The following NTM variants were observed in gnomAD, a reference collection of about 807,000 sequenced individuals.
NTM encodes IgLON family member 2.
A neutral mutation model predicts 42.1 loss-of-function variants in NTM; 13 were observed. The observed-to-expected ratio is 0.31, with a 90% CI of 0.20 to 0.49. NTM has a LOEUF of 0.49. Among genes scored for constraint, NTM ranks in the 20% least tolerant of loss-of-function variants. NTM has a pLI of 0.99. For missense variants in NTM, 373 were observed against 452.8 expected, an observed-to-expected ratio of 0.82 and a Z score of 1.60; for synonymous variants, 187 against 179.2, an observed-to-expected ratio of 1.04 and a Z score of -0.35.
At position 132,175,713 on chromosome 11, in the gene NTM, G is replaced by A. The variant is rs562800513; in HGVS notation, c.400+29199G>A. ...CTTCATTCTCCTGCCTCAGCCTCCCGAGTAGCTGGGACTACAGGTGCCCGC... is the reference window on the plus strand; with the variant it reads ...CTTCATTCTCCTGCCTCAGCCTCCCAAGTAGCTGGGACTACAGGTGCCCGC... On this transcript the variant is annotated intron_variant, in intron 3 of 8. Coordinates refer to ENST00000683400, the MANE Select transcript of NTM (RefSeq NM_001352005.2). Among the ~76,000 whole-genome samples the A allele has an allele frequency of 5.3e-5, 8 of 151,284 alleles. No individual in the cohort carries two copies. In the East Asian group the frequency reaches 7.9e-4, roughly 15 times the overall value.
chr11:132,091,053 T>TA (rs2060318732), intron 2 of NTM, among the ~76,000 whole-genome samples: 1 of 152,206 alleles, frequency 6.6e-6, no homozygotes. Flanking sequence ...ATTATTGGCA[T>TA]TTTTCCTTTG....
intron 2 of NTM, among the ~76,000 whole-genome samples, chr11:131,926,334 G>A (rs917416624): frequency 1.3e-5 from 2 of 152,106 alleles, no homozygotes; most frequent in East Asian, 1.9e-4. Flanking sequence ...AACAAACAAC[G>A]CATCACATGG....
chr11:131,812,295 G>A (rs528937728), intron 1 of NTM, among the ~76,000 whole-genome samples: 1 of 151,734 alleles, frequency 6.6e-6, no homozygotes, highest in East Asian at 1.9e-4. Context: ...GTGGGCTAAT[G>A]TCTGTAATAT....
At chr11:132,252,653 A>T (rs1456400033) in intron 4 of NTM, among the ~76,000 whole-genome samples, 1 of 152,204 alleles carries the variant, frequency 6.6e-6, no homozygotes, top group East Asian at 1.9e-4. Flanking sequence ...CTTCTTGGTA[A>T]TTATAGATGG....
intron 2 of NTM, among the ~76,000 whole-genome samples, chr11:132,097,218 C>G (rs567528544): frequency 6.6e-5 from 10 of 152,178 alleles, no homozygotes; most frequent in Admixed American, 6.5e-4. Context: ...AGAGAGAGCA[C>G]GCAAGTGTTG....
At chr11:131,634,010 C>G (rs944993323) in intron 1 of NTM, among the ~76,000 whole-genome samples, 4 of 152,050 alleles carry the variant, frequency 2.6e-5, no homozygotes, top group African/African-American at 9.7e-5. Context: ...ATATCCAAAG[C>G]AGCCCAACTC....
intron 1 of NTM, among the ~76,000 whole-genome samples, chr11:131,753,222 A>G (rs1467825798): frequency 6.6e-6 from 1 of 152,184 alleles, no homozygotes; most frequent in Non-Finnish European, 1.5e-5. Context: ...AATGGCAATC[A>G]TTAAAAAGTC....
At chr11:131,814,003 T>C (rs1198792783) in intron 1 of NTM, among the ~76,000 whole-genome samples, 1 of 152,182 alleles carries the variant, frequency 6.6e-6, no homozygotes, top group African/African-American at 2.4e-5. Context: ...ATGTTAGCCA[T>C]GTATGATTAA....
At chr11:131,455,916 G>A (rs1397911630) in intron 1 of NTM, among the ~76,000 whole-genome samples, 1 of 152,228 alleles carries the variant, frequency 6.6e-6, no homozygotes, top group Non-Finnish European at 1.5e-5. Flanking sequence ...AGTGTGGATG[G>A]TCTTTGGTAT....
chr11:131,389,289 C>T (rs899962094), intron 1 of NTM, among the ~76,000 whole-genome samples: 1 of 152,210 alleles, frequency 6.6e-6, no homozygotes, highest in Non-Finnish European at 1.5e-5. Context: ...GACCTTGATG[C>T]TGTGGCTGGG....
intron 4 of NTM, among the ~76,000 whole-genome samples, chr11:132,252,710 T>C (rs912742237): frequency 6.6e-6 from 1 of 152,184 alleles, no homozygotes; most frequent in Non-Finnish European, 1.5e-5. Flanking sequence ...TTTGTCCTGA[T>C]ATATGGCTGG....
intron 2 of NTM, among the ~76,000 whole-genome samples, chr11:132,040,295 T>C (rs1276737542): frequency 1.3e-5 from 2 of 152,162 alleles, no homozygotes; most frequent in Non-Finnish European, 2.9e-5. Flanking sequence ...TGTATCTCAG[T>C]TTACTAGTCT....
intron 1 of NTM, among the ~76,000 whole-genome samples, chr11:131,749,557 T>G (rs191446102): frequency 6.6e-6 from 1 of 152,356 alleles, no homozygotes; most frequent in East Asian, 1.9e-4. Context: ...ACACCTCTGT[T>G]GTTGACGTAT....
intron 2 of NTM, among the ~76,000 whole-genome samples, chr11:132,022,973 C>T (rs1173800331): frequency 6.6e-6 from 1 of 152,156 alleles, no homozygotes; most frequent in East Asian, 1.9e-4. Context: ...GATAGGGCCA[C>T]GTTGGCTAAT....
intron 1 of NTM, among the ~76,000 whole-genome samples, chr11:131,544,846 G>A (rs780855806): frequency 9.8e-5 from 15 of 152,304 alleles, no homozygotes; most frequent in Admixed American, 2.6e-4. Context: ...TCTGGTCATC[G>A]AATCAGATAA....
At chr11:131,480,464 C>A (rs1953454578) in intron 1 of NTM, among the ~76,000 whole-genome samples, 1 of 152,178 alleles carries the variant, frequency 6.6e-6, no homozygotes, top group East Asian at 1.9e-4. Context: ...TCCCTCTGAG[C>A]AAACTGAGTT....
chr11:131,660,133 C>T (rs965553963), intron 1 of NTM: 1 of 183,306 alleles, frequency 5.5e-6, no homozygotes, highest in Non-Finnish European at 1.2e-5. Flanking sequence ...CGGCCAGGAG[C>T]CGGGCAAGGC....
intron 2 of NTM, among the ~76,000 whole-genome samples, chr11:131,913,392 A>G (rs1362231401): frequency 6.6e-6 from 1 of 152,120 alleles, no homozygotes; most frequent in East Asian, 1.9e-4. Flanking sequence ...ATAAATAAAC[A>G]GGAAGTGGGT....
intron 1 of NTM, among the ~76,000 whole-genome samples, chr11:131,874,048 T>TAATAATATAATATAATATATATATATAC (rs1466815638): frequency 3.6e-5 from 2 of 56,204 alleles, no homozygotes; most frequent in Non-Finnish European, 6.7e-5. Context: ...TATATATATA[T>TAATAATATAATATAATATATATATATAC]ATATATATAT....
Sources: allele counts gnomAD v4.1 joint callset (sites outside exome capture counted in the v4.1 genomes callset), GRCh38; gene constraint gnomAD v4.1.1; transcripts MANE v1.5; gene names NCBI Gene and HGNC (gene_info 2026-07-23, HGNC 2026-07-21).